Variants in PTPRT observed in about 807,000 individuals in gnomAD.
PTPRT encodes receptor-type tyrosine-protein phosphatase T.
In PTPRT, 56 loss-of-function variants were observed where a neutral mutation model predicts 176.8. That is an observed-to-expected ratio of 0.32 (90% CI 0.26 to 0.40). PTPRT has a LOEUF of 0.40. PTPRT is among the 10% of genes least tolerant of loss of function. PTPRT has a pLI of 1.00. For synonymous variants in PTPRT, 783 were observed against 739.0 expected (o/e 1.06, Z -0.96); for missense variants, 1,540 against 1,908.2 (o/e 0.81, Z 3.60).
At chr20:42,805,309 G>A (rs999830691) in intron 2 of PTPRT, among the ~76,000 whole-genome samples, 1 of 152,148 alleles carries the variant, frequency 6.6e-6, no homozygotes, top group Non-Finnish European at 1.5e-5. Flanking sequence ...TGTGACTGTG[G>A]TTAGTAAATT....
At chr20:42,986,740 T>C (rs1046274362) in intron 1 of PTPRT, among the ~76,000 whole-genome samples, 2 of 152,166 alleles carry the variant, frequency 1.3e-5, no homozygotes, top group African/African-American at 4.8e-5. Flanking sequence ...ACAAGGTAGA[T>C]AGTATTTATA....
intron 1 of PTPRT, among the ~76,000 whole-genome samples, chr20:43,064,602 G>A (rs961410952): frequency 6.6e-6 from 1 of 152,196 alleles, no homozygotes; most frequent in Non-Finnish European, 1.5e-5. Context: ...AGTCACAGCT[G>A]CTTCAAGTTG....
chr20:43,114,113 G>C (rs1350766449), intron 1 of PTPRT, among the ~76,000 whole-genome samples: 1 of 152,064 alleles, frequency 6.6e-6, no homozygotes, highest in Admixed American at 6.6e-5. Context: ...TTCTTCCCTA[G>C]GTATTATAAG....
intron 6 of PTPRT, among the ~76,000 whole-genome samples, chr20:42,719,163 G>A (rs534143179): frequency 4.1e-4 from 63 of 152,306 alleles, no homozygotes; most frequent in African/African-American, 1.1e-3. Context: ...CAATCCACAG[G>A]AATAACTCCA....
intron 2 of PTPRT, among the ~76,000 whole-genome samples, chr20:42,882,252 TAA>T (rs1403069147): frequency 1.3e-5 from 2 of 152,214 alleles, no homozygotes; most frequent in Non-Finnish European, 2.9e-5. Context: ...CCTCTCTGCC[TAA>T]GAGGCACACA....
intron 9 of PTPRT, among the ~76,000 whole-genome samples, chr20:42,421,464 C>A (rs1055703545): frequency 5.9e-5 from 9 of 151,960 alleles, no homozygotes; most frequent in African/African-American, 1.5e-4. Flanking sequence ...TTGACAGTCA[C>A]GACTAAGGTG....
chr20:42,928,681 C>A (rs1979641070), intron 1 of PTPRT, among the ~76,000 whole-genome samples: 1 of 152,120 alleles, frequency 6.6e-6, no homozygotes, highest in South Asian at 2.1e-4. Context: ...TAAGAGGTGG[C>A]AAATGACAGC....
chr20:42,513,139 C>T (rs983742289), intron 7 of PTPRT, among the ~76,000 whole-genome samples: 1 of 151,688 alleles, frequency 6.6e-6, no homozygotes, highest in African/African-American at 2.4e-5. Flanking sequence ...GGATTACAGG[C>T]GTGAGCTACC....
chr20:42,085,639 C>T (rs1983811928), intron 28 of PTPRT, 89 bp downstream of exon 28: 5 of 1,553,042 alleles, frequency 3.2e-6, no homozygotes, highest in Non-Finnish European at 4.4e-6. Context: ...AACACAGACT[C>T]TTGGCTGGCT....
At chr20:43,115,238 G>T (rs2013014777) in intron 1 of PTPRT, among the ~76,000 whole-genome samples, 1 of 152,188 alleles carries the variant, frequency 6.6e-6, no homozygotes. Flanking sequence ...CCCCACAGGA[G>T]CTGAGAAGGT....
the PTPRT span, chr20:42,063,983 A>G: frequency 2.0e-4 from 31 of 152,022 alleles, no homozygotes; most frequent in South Asian, 1.5e-3. Flanking sequence ...GAATTGAAAA[A>G]ACTTTGCTTT....
chr20:42,822,018 C>T (rs2077903069), intron 2 of PTPRT, among the ~76,000 whole-genome samples: 1 of 152,186 alleles, frequency 6.6e-6, no homozygotes, highest in South Asian at 2.1e-4. Context: ...CTGCTCCCAT[C>T]AAACTACCAT....
At chr20:42,909,664 G>A (rs1335633312) in intron 1 of PTPRT, among the ~76,000 whole-genome samples, 1 of 152,148 alleles carries the variant, frequency 6.6e-6, no homozygotes, top group African/African-American at 2.4e-5. Context: ...TCTGATGGAG[G>A]CACCTGAGAC....
intron 7 of PTPRT, among the ~76,000 whole-genome samples, chr20:42,488,751 G>A (rs1451020187): frequency 6.6e-6 from 1 of 151,986 alleles, no homozygotes; most frequent in Non-Finnish European, 1.5e-5. Context: ...GATCACCTCA[G>A]GTCAGGAATT....
At chr20:42,370,828 G>A (rs1234602554) in intron 9 of PTPRT, among the ~76,000 whole-genome samples, 1 of 152,092 alleles carries the variant, frequency 6.6e-6, no homozygotes, top group Admixed American at 6.5e-5. Context: ...GTCTTGCCCT[G>A]GTTGCTGTTA....
intron 1 of PTPRT, among the ~76,000 whole-genome samples, chr20:42,938,856 A>C (rs1980372354): frequency 6.6e-6 from 1 of 152,224 alleles, no homozygotes; most frequent in South Asian, 2.1e-4. Flanking sequence ...AGTAGTTTGG[A>C]ATAAAAAAGG....
chr20:42,940,638 G>C (rs780760865), intron 1 of PTPRT, among the ~76,000 whole-genome samples: 1 of 152,090 alleles, frequency 6.6e-6, no homozygotes, highest in Non-Finnish European at 1.5e-5. Context: ...AAGAAAAAAA[G>C]CTCACACCTA....
intron 1 of PTPRT, among the ~76,000 whole-genome samples, chr20:43,166,033 T>C (rs2014849767): frequency 6.7e-6 from 1 of 149,888 alleles, no homozygotes; most frequent in Non-Finnish European, 1.5e-5. Context: ...CTACTAAAAA[T>C]ACAAAAATTA....
At chr20:42,651,734 T>C (rs1485502282) in intron 7 of PTPRT, among the ~76,000 whole-genome samples, 2 of 152,116 alleles carry the variant, frequency 1.3e-5, no homozygotes, top group African/African-American at 2.4e-5. Context: ...TTCTCCAAGC[T>C]TCACCCTCAT....
Sources: allele counts gnomAD v4.1 joint callset (sites outside exome capture counted in the v4.1 genomes callset), GRCh38; gene constraint gnomAD v4.1.1; transcripts MANE v1.5; gene names NCBI Gene and HGNC (gene_info 2026-07-23, HGNC 2026-07-21).